The following SHISA9 variants were observed in gnomAD, a reference collection of about 807,000 sequenced individuals.
The protein encoded by SHISA9 is protein shisa-9.
SHISA9 carries 13 observed loss-of-function variants against 38.0 expected under a neutral mutation model. The ratio of observed to expected loss-of-function variants is 0.34; its 90% CI spans 0.22 to 0.54. The LOEUF is 0.54. Ranked by LOEUF, SHISA9 falls within the 20% of genes least tolerant of loss-of-function variation. The pLI, the probability that SHISA9 is intolerant of heterozygous loss-of-function variation, is 0.91. For synonymous variants in SHISA9, 275 were observed against 242.0 expected, an observed-to-expected ratio of 1.14 and a Z score of -1.27; for missense variants, 538 against 575.8, an observed-to-expected ratio of 0.93 and a Z score of 0.67.
At chr16:12,909,431 A>T in intron 1 of SHISA9, 1 of 985,444 alleles carries the variant, frequency 1.0e-6, no homozygotes, top group South Asian at 4.7e-5. Flanking sequence ...CATAGATTGG[A>T]CATTGGGATA....
At chr16:13,436,544 A>T in the SHISA9 span, among the ~76,000 whole-genome samples, 1 of 152,230 alleles carries the variant, frequency 6.6e-6, no homozygotes, top group Non-Finnish European at 1.5e-5. Flanking sequence ...GTCAATCAGC[A>T]GCTCTCAGGG....
At chr16:12,943,719 G>A (rs1242663584) in intron 2 of SHISA9, among the ~76,000 whole-genome samples, 2 of 152,052 alleles carry the variant, frequency 1.3e-5, no homozygotes, top group Non-Finnish European at 2.9e-5. Flanking sequence ...GTGCACAGCT[G>A]ACCTCCATTC....
At chr16:12,908,988 A>G in intron 1 of SHISA9, 2 of 1,003,938 alleles carry the variant, frequency 2.0e-6, no homozygotes, top group Non-Finnish European at 2.4e-6. Flanking sequence ...AGCAACAAAT[A>G]ATGATAAATG....
chr16:13,213,353 TTAAA>T (rs1436464317), intron 4 of SHISA9, 53 bp downstream of exon 4: 1 of 1,507,010 alleles, frequency 6.6e-7, no homozygotes, highest in Non-Finnish European at 9.0e-7. Context: ...AAAGTTAGCA[TTAAA>T]TAATGAAGGG....
the SHISA9 span, among the ~76,000 whole-genome samples, chr16:13,357,999 C>T: frequency 7.6e-4 from 115 of 152,158 alleles, no homozygotes; most frequent in African/African-American, 2.5e-3. Context: ...GCCATCTGGG[C>T]GATATATATA....
chr16:13,321,205 A>T, the SHISA9 span, among the ~76,000 whole-genome samples: 1 of 152,236 alleles, frequency 6.6e-6, no homozygotes, highest in Non-Finnish European at 1.5e-5. Context: ...ATCCATCTAC[A>T]GGTGGCAATA....
chr16:13,462,813 T>G, the SHISA9 span, among the ~76,000 whole-genome samples: 1 of 151,692 alleles, frequency 6.6e-6, no homozygotes, highest in Non-Finnish European at 1.5e-5. Context: ...AACACAAAAA[T>G]TAGCCAGGCG....
At chr16:13,241,427 A>C (rs2051434466), downstream of SHISA9, among the ~76,000 whole-genome samples, 1 of 152,106 alleles carries the variant, frequency 6.6e-6, no homozygotes, top group South Asian at 2.1e-4. Context: ...AATCGCTTTA[A>C]CTTGGGAGGC....
At chr16:13,201,561 G>C (rs2142052709) in intron 2 of SHISA9, among the ~76,000 whole-genome samples, 1 of 134,346 alleles carries the variant, frequency 7.4e-6, no homozygotes, top group East Asian at 2.0e-4. Flanking sequence ...TACAAAGGCA[G>C]AGTTGAATAG....
chr16:13,382,843 G>A, the SHISA9 span, among the ~76,000 whole-genome samples: 1 of 152,256 alleles, frequency 6.6e-6, no homozygotes, highest in South Asian at 2.1e-4. Context: ...GGGTGATAGA[G>A]CGAGACTCTG....
the SHISA9 span, among the ~76,000 whole-genome samples, chr16:13,299,430 G>C: frequency 1.3e-5 from 2 of 152,144 alleles, no homozygotes; most frequent in Non-Finnish European, 2.9e-5. Context: ...GAAGAGTTCA[G>C]AGTCAAATCC....
intron 2 of SHISA9, among the ~76,000 whole-genome samples, chr16:12,965,214 T>C (rs1279951861): frequency 1.3e-5 from 2 of 152,184 alleles, no homozygotes; most frequent in Non-Finnish European, 2.9e-5. Flanking sequence ...GTCTGAAACA[T>C]GTATTTATGC....
chr16:13,511,568 G>A, the SHISA9 span, among the ~76,000 whole-genome samples: 1 of 152,098 alleles, frequency 6.6e-6, no homozygotes, highest in Non-Finnish European at 1.5e-5. Flanking sequence ...ACATCAGGGA[G>A]TACAAGTCAG....
chr16:13,415,441 G>A, the SHISA9 span, among the ~76,000 whole-genome samples: 1 of 152,144 alleles, frequency 6.6e-6, no homozygotes, highest in Non-Finnish European at 1.5e-5. Flanking sequence ...TTGGAGGGAG[G>A]AAGGTGGGAG....
chr16:13,246,868 G>A, the SHISA9 span, among the ~76,000 whole-genome samples: 10 of 151,740 alleles, frequency 6.6e-5, no homozygotes, highest in Non-Finnish European at 1.3e-4. Flanking sequence ...AACAATAAAT[G>A]TTATCCGTTG....
intron 2 of SHISA9, among the ~76,000 whole-genome samples, chr16:12,966,773 G>T (rs56853549): frequency 0.24 from 36,113 of 152,124 alleles, 4,729 homozygotes; most frequent in East Asian, 0.35. Context: ...TGAATGAAAA[G>T]AAAAAGAAGC....
intron 2 of SHISA9, among the ~76,000 whole-genome samples, chr16:13,008,587 C>T (rs561342510): frequency 3.3e-5 from 5 of 151,166 alleles, no homozygotes; most frequent in East Asian, 2.0e-4. Flanking sequence ...GATAAGGGTC[C>T]GGTGCTTCCC....
At chr16:13,331,181 T>C in the SHISA9 span, among the ~76,000 whole-genome samples, 1 of 151,660 alleles carries the variant, frequency 6.6e-6, no homozygotes, top group Non-Finnish European at 1.5e-5. Context: ...GTCCCATAAA[T>C]AGAAAAAAAG....
chr16:13,320,496 A>G, the SHISA9 span, among the ~76,000 whole-genome samples: 1 of 152,106 alleles, frequency 6.6e-6, no homozygotes, highest in Non-Finnish European at 1.5e-5. Context: ...TAAAGAAGAT[A>G]ATCCATGCCA....
Sources: allele counts gnomAD v4.1 joint callset (sites outside exome capture counted in the v4.1 genomes callset), GRCh38; gene constraint gnomAD v4.1.1; transcripts MANE v1.5; gene names NCBI Gene and HGNC (gene_info 2026-07-23, HGNC 2026-07-21).